Variants in SRD5A2 observed in about 807,000 individuals in gnomAD.
The protein encoded by SRD5A2 is steroid 5 alpha-reductase 2.
Under a neutral mutation model 27.4 loss-of-function variants are expected in SRD5A2, and 30 were observed. The ratio of observed to expected loss-of-function variants is 1.10; its 90% CI spans 0.82 to 1.49. SRD5A2 has a LOEUF of 1.49. SRD5A2 is among the 40% of genes most tolerant of loss of function. SRD5A2 has a pLI of 0.00. For synonymous variants in SRD5A2, 141 were observed against 133.6 expected (o/e 1.06, Z -0.38); for missense variants, 348 against 323.4 (o/e 1.08, Z -0.58).
chr2:31,655,258 C>A, the SRD5A2 span, among the ~76,000 whole-genome samples: 1 of 152,178 alleles, frequency 6.6e-6, no homozygotes, highest in Non-Finnish European at 1.5e-5. Flanking sequence ...CCCACCACCA[C>A]GACTGACTAA....
the SRD5A2 span, among the ~76,000 whole-genome samples, chr2:31,643,164 T>C: frequency 6.6e-6 from 1 of 152,136 alleles, no homozygotes; most frequent in African/African-American, 2.4e-5. Context: ...TGCATTTCAT[T>C]ATATATGAAA....
chr2:31,617,148 T>C, the SRD5A2 span, among the ~76,000 whole-genome samples: 1 of 152,120 alleles, frequency 6.6e-6, no homozygotes, highest in Non-Finnish European at 1.5e-5. Flanking sequence ...ATTAAACCTT[T>C]TTCTTTATAA....
chr2:31,596,976 A>G, the SRD5A2 span, among the ~76,000 whole-genome samples: 11 of 152,150 alleles, frequency 7.2e-5, no homozygotes, highest in African/African-American at 2.7e-4. Flanking sequence ...TCATTTTTTC[A>G]CAGAATTTTT....
the SRD5A2 span, among the ~76,000 whole-genome samples, chr2:31,619,748 T>C: frequency 6.6e-6 from 1 of 152,174 alleles, no homozygotes; most frequent in African/African-American, 2.4e-5. Context: ...TTTTGAAAAG[T>C]ATCTGTCCAT....
the SRD5A2 span, among the ~76,000 whole-genome samples, chr2:31,603,772 C>A: frequency 6.6e-6 from 1 of 151,850 alleles, no homozygotes; most frequent in Admixed American, 6.6e-5. Context: ...AAACCATTAT[C>A]CTCAGCAAAC....
chr2:31,630,815 T>C, the SRD5A2 span, among the ~76,000 whole-genome samples: 1 of 152,162 alleles, frequency 6.6e-6, no homozygotes, highest in Non-Finnish European at 1.5e-5. Context: ...GCAGATTTCC[T>C]AACAGGGGAT....
intron 1 of SRD5A2, among the ~76,000 whole-genome samples, chr2:31,568,087 C>T (rs1666772873): frequency 6.6e-6 from 1 of 152,154 alleles, no homozygotes; most frequent in Non-Finnish European, 1.5e-5. Context: ...AAGTGGCTTC[C>T]ACTGTGGGCA....
the SRD5A2 span, among the ~76,000 whole-genome samples, chr2:31,658,559 A>T: frequency 6.6e-6 from 1 of 151,982 alleles, no homozygotes; most frequent in African/African-American, 2.4e-5. Flanking sequence ...ACAGAAATAA[A>T]AAAAAAAAAT....
At chr2:31,546,273 T>C (rs1039238848) in intron 1 of SRD5A2, among the ~76,000 whole-genome samples, 2 of 151,376 alleles carry the variant, frequency 1.3e-5, no homozygotes, top group African/African-American at 4.9e-5. Context: ...GGAGAAAAAA[T>C]ATTGAGGACT....
At chr2:31,635,610 T>C in the SRD5A2 span, among the ~76,000 whole-genome samples, 1 of 152,104 alleles carries the variant, frequency 6.6e-6, no homozygotes, top group East Asian at 1.9e-4. Flanking sequence ...TTTTGAGGTG[T>C]TATGCCAAAA....
upstream of SRD5A2, among the ~76,000 whole-genome samples, chr2:31,585,255 C>T (rs1268788115): frequency 6.6e-6 from 1 of 152,138 alleles, no homozygotes; most frequent in East Asian, 1.9e-4. Flanking sequence ...TAGACAAGTC[C>T]TAGTACTGAA....
intron 1 of SRD5A2, among the ~76,000 whole-genome samples, chr2:31,535,023 ATT>A (rs397775368): frequency 1.3e-4 from 18 of 143,230 alleles, no homozygotes; most frequent in South Asian, 2.3e-4. Context: ...GTGTGAGTCA[ATT>A]TTTTTTTTTT....
chr2:31,584,522 G>T (rs1667144673), upstream of SRD5A2, among the ~76,000 whole-genome samples: 6 of 152,106 alleles, frequency 3.9e-5, no homozygotes, highest in South Asian at 1.2e-3. Context: ...CCTTACTTCA[G>T]ACATCAGCTG....
the SRD5A2 span, among the ~76,000 whole-genome samples, chr2:31,586,940 T>C: frequency 6.6e-6 from 1 of 152,126 alleles, no homozygotes; most frequent in African/African-American, 2.4e-5. Context: ...AGACAGAGAA[T>C]TCAAAATAGC....
In SRD5A2 at chr2:31,533,651, A is replaced by C; in HGVS notation, c.397T>G (p.Cys133Gly). 2 of 1,557,926 alleles carry C rather than the reference A, an allele frequency of 1.3e-6. No individual in the cohort carries two copies. The highest frequency in any genetic ancestry group is 1.7e-6 in the Non-Finnish European group (2 of 1,150,358). The stretch of plus-strand genomic sequence containing the variant: ...TACCACCCATCAGGGTATTCAGCAC[A>C]GTAAATCAGATAGTAGCCTTGAAGG... ...GVLQGYYLIY[C>G]AEYPDGWYTD... The change falls in exon 2 of 5, where the codon TGT (cysteine) becomes GGT (glycine). Residue 133 changes from cysteine (C) to glycine (G), a missense_variant. Coordinates refer to ENST00000622030, the MANE Select transcript of SRD5A2 (RefSeq NM_000348.4).
the SRD5A2 span, among the ~76,000 whole-genome samples, chr2:31,638,579 GTTTAC>G: frequency 2.0e-5 from 3 of 151,834 alleles, no homozygotes; most frequent in African/African-American, 7.3e-5. Context: ...ACCTATTAAT[GTTTAC>G]TTTATATACT....
chr2:31,537,046 G>A (rs28383029), intron 1 of SRD5A2, among the ~76,000 whole-genome samples: 2,471 of 152,216 alleles, frequency 0.016, 28 homozygotes, highest in South Asian at 0.044. Flanking sequence ...CCAAAGAAAA[G>A]AAGCTTTAAA....
At chr2:31,528,588 T>G (rs554677625) in intron 4 of SRD5A2, among the ~76,000 whole-genome samples, 2 of 152,120 alleles carry the variant, frequency 1.3e-5, no homozygotes, top group South Asian at 4.2e-4. Flanking sequence ...GCCAACATGG[T>G]GAAACTTGTC....
the SRD5A2 span, chr2:31,651,367 C>A: frequency 4.6e-6 from 1 of 218,488 alleles, no homozygotes; most frequent in South Asian, 1.0e-4. Flanking sequence ...ATGACTTAGT[C>A]AGACAACTAG....
Sources: allele counts gnomAD v4.1 joint callset (sites outside exome capture counted in the v4.1 genomes callset), GRCh38; gene constraint gnomAD v4.1.1; transcripts MANE v1.5; gene names NCBI Gene and HGNC (gene_info 2026-07-23, HGNC 2026-07-21).